CAPN6: variants seen among roughly 807,000 people sequenced by gnomAD.
CAPN6 encodes calpain 6.
A neutral mutation model predicts 46.0 loss-of-function variants in CAPN6; 16 were observed. The observed-to-expected ratio is 0.35, with a 90% CI of 0.24 to 0.53. The LOEUF is 0.53. Ranked by LOEUF, CAPN6 falls within the 20% of genes least tolerant of loss-of-function variation. CAPN6 has a pLI of 0.94. For missense variants in CAPN6, 461 were observed against 498.0 expected, an observed-to-expected ratio of 0.93 and a Z score of 0.71; for synonymous variants, 206 against 172.8, an observed-to-expected ratio of 1.19 and a Z score of -1.51.
chrX:111,264,887 G>T (rs931274641), intron 1 of CAPN6, among the ~76,000 whole-genome samples: 2 of 111,413 alleles, frequency 1.8e-5, no homozygotes, highest in East Asian at 2.8e-4. Context: ...TGATAATAGG[G>T]TTTTCAGTGC....
intron 6 of CAPN6, 60 bp from the exon 7 acceptor site, chrX:111,251,346 G>A: frequency 9.3e-7 from 1 of 1,073,862 alleles, no homozygotes; most frequent in Non-Finnish European, 1.3e-6. Flanking sequence ...TTGACTTCTT[G>A]TAGTAAGTAG....
Position 111,248,937 on chromosome X carries a change from T to C in CAPN6, c.1279A>G (p.Lys427Glu), listed in dbSNP as rs36011386. Residue 427 changes from lysine (K) to glutamate (E), a missense_variant and splice_region_variant, in exon 9 of 13, where the codon AAG (lysine) becomes GAG (glutamate). Transcript: ENST00000324068. The part of the protein sequence containing the change: ...DNYIIGFELF[K>E]VEMNRKFRLH... ...CTGCCCCAAATGCCCATTTTTACCTTGAAGAGCTCAAAGCCAATGATGTAA... is the reference window on the plus strand; with the variant it reads ...CTGCCCCAAATGCCCATTTTTACCTCGAAGAGCTCAAAGCCAATGATGTAA... 4.5e-4 allele frequency: 543 copies of C among 1,209,818 alleles called. 1 individual carries two copies. In the African/African-American group the frequency reaches 8.5e-3, roughly 19 times the overall value.
At chrX:111,266,689 G>A (rs929375883) in intron 1 of CAPN6, among the ~76,000 whole-genome samples, 4 of 112,637 alleles carry the variant, frequency 3.6e-5, no homozygotes, top group African/African-American at 1.3e-4. Context: ...CAGAGAAGCA[G>A]TAGCTAGAAA....
chrX:111,252,239 C>T (rs1014442967), intron 5 of CAPN6, 68 bp downstream of exon 5: 9 of 903,338 alleles, frequency 1.0e-5, no homozygotes, highest in Non-Finnish European at 1.4e-5. Flanking sequence ...GGCGAATTTC[C>T]CTACCAAACT....
chrX:111,259,844 GT>G (rs1487810470), intron 2 of CAPN6, among the ~76,000 whole-genome samples: 1 of 111,740 alleles, frequency 8.9e-6, no homozygotes, highest in African/African-American at 3.3e-5. Context: ...AACGCCAGAG[GT>G]GGGTAGGAGG....
At chrX:111,267,761 T>C (rs1272594317) in intron 1 of CAPN6, among the ~76,000 whole-genome samples, 3 of 111,597 alleles carry the variant, frequency 2.7e-5, no homozygotes, top group Non-Finnish European at 5.6e-5. Flanking sequence ...TCCTGCCTAG[T>C]TTCTCCTTTT....
intron 11 of CAPN6, 91 bp downstream of exon 11, chrX:111,247,780 C>T (rs1344674186): frequency 9.3e-7 from 1 of 1,077,300 alleles, no homozygotes; most frequent in African/African-American, 1.8e-5. Context: ...CAAAATATCG[C>T]TGGAGAAAAT....
At chrX:111,256,952 T>C (rs560281228) in intron 2 of CAPN6, among the ~76,000 whole-genome samples, 3 of 109,271 alleles carry the variant, frequency 2.7e-5, no homozygotes, top group African/African-American at 9.9e-5. Flanking sequence ...ATTTAAAACA[T>C]GACAAGTTAA....
chrX:111,258,646 T>C (rs2094985642), intron 2 of CAPN6, among the ~76,000 whole-genome samples: 1 of 111,550 alleles, frequency 9.0e-6, no homozygotes, highest in African/African-American at 3.3e-5. Flanking sequence ...ATCAATAAAA[T>C]AGTCTCTTCC....
intron 2 of CAPN6, among the ~76,000 whole-genome samples, chrX:111,262,606 A>G (rs1359927027): frequency 3.6e-5 from 4 of 111,816 alleles, no homozygotes; most frequent in Non-Finnish European, 7.5e-5. Flanking sequence ...ATTTCACAAC[A>G]TCCTTCTGTG....
At chrX:111,255,865 C>T (rs1358604345) in intron 2 of CAPN6, among the ~76,000 whole-genome samples, 1 of 111,248 alleles carries the variant, frequency 9.0e-6, no homozygotes, top group East Asian at 2.8e-4. Context: ...AGATGCATGC[C>T]TGGTAGTTCA....
chrX:111,249,937 G>A (rs1426300429), intron 8 of CAPN6, among the ~76,000 whole-genome samples: 7 of 110,538 alleles, frequency 6.3e-5, no homozygotes, highest in African/African-American at 2.3e-4. Flanking sequence ...AACAGACTCT[G>A]AACTAAGGCC....
intron 2 of CAPN6, among the ~76,000 whole-genome samples, chrX:111,262,288 T>C (rs1204059338): frequency 8.9e-6 from 1 of 112,221 alleles, no homozygotes; most frequent in Non-Finnish European, 1.9e-5. Flanking sequence ...TCAATGGTTG[T>C]CATTCTTTAT....
At chrX:111,261,245 G>C (rs1430725108) in intron 2 of CAPN6, among the ~76,000 whole-genome samples, 1 of 112,517 alleles carries the variant, frequency 8.9e-6, no homozygotes, top group Admixed American at 9.4e-5. Flanking sequence ...GCAAATCCGA[G>C]CTTGTTAGCA....
At chrX:111,267,908 C>A (rs947776930) in intron 1 of CAPN6, among the ~76,000 whole-genome samples, 1 of 112,452 alleles carries the variant, frequency 8.9e-6, no homozygotes, top group Non-Finnish European at 1.9e-5. Context: ...CAATCCACAT[C>A]CCTTATCCCC....
intron 11 of CAPN6, 32 bp from the exon 12 acceptor site, chrX:111,247,536 G>A (rs1204736605): frequency 8.5e-7 from 1 of 1,175,512 alleles, no homozygotes. Flanking sequence ...TTTTAACACA[G>A]CAATTAAAGT....
Position 111,251,231 on chromosome X carries a change from T to A in CAPN6, c.949A>T (p.Met317Leu). 2.5e-6 allele frequency: 3 copies of A among 1,208,174 alleles called. No individual in the cohort carries two copies. The highest frequency in any genetic ancestry group is 1.8e-5 in the African/African-American group (1 of 56,360). The change falls in exon 7 of 13, where the codon ATG becomes TTG. Residue 317 changes from methionine to leucine, a missense_variant. Met to Leu is a conservative substitution (Grantham distance 15). Coordinates refer to ENST00000324068, the MANE Select transcript of CAPN6 (RefSeq NM_014289.4). ...ASDRKNLGLV[M>L]SDDGEFWMSL... is the part of the protein sequence containing the mutation. ...CACCAAAACTCTCCATCATCAGACA[T>A]AACAAGCCCCAGGTTCTTGCGATCT... is the stretch of plus-strand genomic sequence containing the variant.
chrX:111,251,348 A>G, intron 6 of CAPN6, 62 bp from the exon 7 acceptor site: 2 of 1,073,288 alleles, frequency 1.9e-6, no homozygotes, highest in South Asian at 4.0e-5. Context: ...GACTTCTTGT[A>G]GTAAGTAGGA....
chrX:111,250,497 C>T (rs1391190603), intron 8 of CAPN6, among the ~76,000 whole-genome samples: 1 of 110,843 alleles, frequency 9.0e-6, no homozygotes, highest in African/African-American at 3.3e-5. Context: ...GAGTCATCTG[C>T]ATTAGAAAGA....
Sources: allele counts gnomAD v4.1 joint callset (sites outside exome capture counted in the v4.1 genomes callset), GRCh38; gene constraint gnomAD v4.1.1; transcripts MANE v1.5; gene names NCBI Gene and HGNC (gene_info 2026-07-23, HGNC 2026-07-21).